The following ONECUT2 variants were observed in gnomAD, a reference collection of about 807,000 sequenced individuals.
The protein encoded by ONECUT2 is one cut homeobox 2, also known as one cut domain family member 2.
A neutral mutation model predicts 27.9 loss-of-function variants in ONECUT2; 10 were observed. The observed-to-expected ratio is 0.36, with a 90% CI of 0.22 to 0.61. The LOEUF is 0.61. ONECUT2 is among the 20% of genes least tolerant of loss of function. The pLI is 0.73. For synonymous variants in ONECUT2, 334 were observed against 315.1 expected (o/e 1.06, Z -0.64); for missense variants, 686 against 721.0 (o/e 0.95, Z 0.56).
In ONECUT2 at chr18:57,488,237, A is replaced by G. The variant is rs1598950431; in HGVS notation, c.*11514A>G. On this transcript the variant is annotated 3_prime_UTR_variant, in exon 2 of 2. Coordinates refer to ENST00000491143, the MANE Select transcript of ONECUT2 (RefSeq NM_004852.3). ...ATGGGAACAGATACAAGAATTTTTC[A>G]AATTGGCTTTTGTAAGACAATTGAT... is the stretch of plus-strand genomic sequence containing the variant. 2 of 152,648 alleles carry G rather than the reference A, an allele frequency of 1.3e-5. No homozygotes were observed. The highest frequency in any genetic ancestry group is 4.1e-4 in the South Asian group (2 of 4,832). The allele number at this position is 152,648 out of a possible 1,614,324, so 9.5% of individuals were successfully genotyped here. A position where few individuals can be genotyped will look rare whatever the true frequency, so the allele number is the denominator to read the frequency against.
At chr18:57,437,151 T>C (rs1210842330) in intron 1 of ONECUT2, among the ~76,000 whole-genome samples, 1 of 152,138 alleles carries the variant, frequency 6.6e-6, no homozygotes, top group Non-Finnish European at 1.5e-5. Flanking sequence ...CCTTTTCTTT[T>C]TCTTTCTTAC....
intron 1 of ONECUT2, among the ~76,000 whole-genome samples, chr18:57,457,071 C>G (rs756482759): frequency 2.0e-5 from 3 of 152,220 alleles, no homozygotes; most frequent in Non-Finnish European, 4.4e-5. Flanking sequence ...ATTTCTGGGT[C>G]ATGTGATAAT....
At position 57,476,461 on chromosome 18, in the gene ONECUT2, C is replaced by T; in HGVS notation, c.1253C>T (p.Pro418Leu). Reference protein sequence around the residue: ...LAACKRKEQEPNKDRNNSQKK... With the variant: ...LAACKRKEQELNKDRNNSQKK... Reference sequence around the variant, plus strand: ...GCGTGCAAACGCAAAGAGCAAGAACCAAACAAAGACAGGAACAATTCCCAG... The same window carrying T: ...GCGTGCAAACGCAAAGAGCAAGAACTAAACAAAGACAGGAACAATTCCCAG... Residue 418 changes from proline to leucine, a missense_variant, in exon 2 of 2, where the codon CCA becomes CTA. Coordinates refer to ENST00000491143, the MANE Select transcript of ONECUT2 (RefSeq NM_004852.3). The T allele has an allele frequency of 2.5e-6, 4 of 1,614,202 alleles. No homozygotes were observed. The South Asian group carries it at 4.4e-5, about 18-fold the overall frequency.
At position 57,438,512 on chromosome 18, in the gene ONECUT2, C is replaced by T. The variant is rs191568059; in HGVS notation, c.1228+1568C>T. ...CTGAGCCCAGCTTGTGGGGTGCACTCGACCAACGCCCGACAGGGCTGGGGA... is the reference window on the plus strand; with the variant it reads ...CTGAGCCCAGCTTGTGGGGTGCACTTGACCAACGCCCGACAGGGCTGGGGA... On this transcript the variant is annotated intron_variant, in intron 1 of 1. Transcript: ENST00000491143. Among the ~76,000 whole-genome samples, 869 of 152,318 alleles carry T rather than the reference C, an allele frequency of 5.7e-3. 16 individuals carry two copies. The highest frequency in any genetic ancestry group is 0.019 in the African/African-American group (789 of 41,580).
At chr18:57,465,228 T>C (rs1376054051) in intron 1 of ONECUT2, among the ~76,000 whole-genome samples, 1 of 152,174 alleles carries the variant, frequency 6.6e-6, no homozygotes, top group Non-Finnish European at 1.5e-5. Flanking sequence ...AGTGGCATGA[T>C]TGTGGCTCAC....
chr18:57,467,475 C>T (rs1169796329), intron 1 of ONECUT2, among the ~76,000 whole-genome samples: 1 of 152,192 alleles, frequency 6.6e-6, no homozygotes, highest in Non-Finnish European at 1.5e-5. Flanking sequence ...AAGTGATTCT[C>T]CTGCCTCGGC....
At chr18:57,456,263 G>A (rs2050258810) in intron 1 of ONECUT2, among the ~76,000 whole-genome samples, 1 of 151,052 alleles carries the variant, frequency 6.6e-6, no homozygotes, top group African/African-American at 2.4e-5. Context: ...TGAAAGCAGG[G>A]TCTGAAAGAG....
In ONECUT2 at chr18:57,484,115, G is replaced by A. The variant is rs989009329; in HGVS notation, c.*7392G>A. ...TTTAAAAAAATCGTAAACAAAAAGA[G>A]AGAAACCCTTACACTAGCTGCTTCC... On this transcript the variant is annotated 3_prime_UTR_variant, in exon 2 of 2. Transcript: ENST00000491143. 1 of 151,870 alleles carries A rather than the reference G, an allele frequency of 6.6e-6. No homozygotes were observed. The highest frequency in any genetic ancestry group is 6.6e-5 in the Admixed American group (1 of 15,180). 9.4% of individuals were successfully genotyped at this position (151,870 alleles called of 1,614,324 possible). A position where few individuals can be genotyped will look rare whatever the true frequency, so the allele number is the denominator to read the frequency against.
At chr18:57,468,635 G>T (rs573223755) in intron 1 of ONECUT2, among the ~76,000 whole-genome samples, 24 of 152,296 alleles carry the variant, frequency 1.6e-4, no homozygotes, top group Non-Finnish European at 3.2e-4. Flanking sequence ...GGCCCTGAAT[G>T]GCCAGTGGAG....
intron 1 of ONECUT2, among the ~76,000 whole-genome samples, chr18:57,447,266 C>T (rs3786480): frequency 0.054 from 8,175 of 152,256 alleles, 533 homozygotes; most frequent in East Asian, 0.35. Flanking sequence ...TGCCTCCACG[C>T]CCCGGCGCAG....
chr18:57,436,454 G>A lies in ONECUT2; in HGVS notation c.738G>A (p.Leu246=). Reference sequence around the variant, plus strand: ...GCCTCCACAACGCGCAGCAGAGTCTGCCCAACTACGGTCCGCCGGGCCACG... The same window carrying A: ...GCCTCCACAACGCGCAGCAGAGTCTACCCAACTACGGTCCGCCGGGCCACG... ...LGGLHNAQQS[L]PNYGPPGHDK... is the part of the protein sequence containing the mutation. Residue 246 remains leucine (L), a synonymous_variant, in exon 1 of 2, where the codon CTG becomes CTA. Transcript: ENST00000491143. This position sits in a 1 kb window ranked among gnomAD's most constrained non-coding sequence, Gnocchi z 5.9. 6.2e-7 allele frequency: 1 copy of A among 1,612,966 alleles called. No homozygotes were observed. Among genetic ancestry groups the A allele is most frequent in the Non-Finnish European group, 8.5e-7 (1 of 1,179,828 alleles).
chr18:57,452,707 G>A (rs570066055), intron 1 of ONECUT2, among the ~76,000 whole-genome samples: 1 of 152,338 alleles, frequency 6.6e-6, no homozygotes, highest in East Asian at 1.9e-4. Context: ...TTACAGGCGT[G>A]CGCCACCACG....
At chr18:57,468,020 G>A (rs988265574) in intron 1 of ONECUT2, among the ~76,000 whole-genome samples, 10 of 152,206 alleles carry the variant, frequency 6.6e-5, no homozygotes, top group South Asian at 2.1e-4. Flanking sequence ...GGTGGTTCAC[G>A]CTGGAGTACC....
rs2050156695 is a variant in ONECUT2 at position 57,438,510 on chromosome 18, C to T, written c.1228+1566C>T. 2.6e-5 allele frequency among the ~76,000 whole-genome samples: 4 copies of T among 152,232 alleles called. No individual in the cohort carries two copies. The South Asian group carries it at 8.3e-4, about 31-fold the overall frequency. On this transcript the variant is annotated intron_variant, in intron 1 of 1. Transcript: ENST00000491143. ...CGCTGAGCCCAGCTTGTGGGGTGCA[C>T]TCGACCAACGCCCGACAGGGCTGGG...
At position 57,480,695 on chromosome 18, in the gene ONECUT2, AAT is replaced by A. The variant is rs2050411168; in HGVS notation, c.*3979_*3980del. On this transcript the variant is annotated 3_prime_UTR_variant, in exon 2 of 2. Coordinates refer to ENST00000491143, the MANE Select transcript of ONECUT2 (RefSeq NM_004852.3). ...AGAAAATTATTTACATACATATATAAATATATATGTGTATCTATACAGTTATG... is the reference window on the plus strand; with the variant it reads ...AGAAAATTATTTACATACATATATAAATATATGTGTATCTATACAGTTATG... 6.6e-6 allele frequency: 1 copy of A among 152,134 alleles called. No individual in the cohort carries two copies. The highest frequency in any genetic ancestry group is 2.1e-4 in the South Asian group (1 of 4,826). 9.4% of individuals were successfully genotyped at this position (152,134 alleles called of 1,614,324 possible).
chr18:57,459,654 G>A (rs1598937592), intron 1 of ONECUT2, among the ~76,000 whole-genome samples: 1 of 152,178 alleles, frequency 6.6e-6, no homozygotes, highest in Non-Finnish European at 1.5e-5. Flanking sequence ...CTGCCTCTGG[G>A]TTCAAGCAAT....
intron 1 of ONECUT2, among the ~76,000 whole-genome samples, chr18:57,447,159 C>T (rs2050204300): frequency 6.6e-6 from 1 of 152,264 alleles, no homozygotes; most frequent in Admixed American, 6.5e-5. Context: ...GACTGTGGAG[C>T]TGGCTGTAGC....
chr18:57,455,070 C>A (rs75834652), intron 1 of ONECUT2, among the ~76,000 whole-genome samples: 2,112 of 152,250 alleles, frequency 0.014, 62 homozygotes, highest in African/African-American at 0.047. Context: ...ATAGACACCC[C>A]GGTGGTCATG....
intron 1 of ONECUT2, among the ~76,000 whole-genome samples, chr18:57,447,479 G>A (rs529922905): frequency 1.3e-5 from 2 of 152,250 alleles, no homozygotes; most frequent in African/African-American, 4.8e-5. Context: ...ATAATAAAGG[G>A]AAGAGGAGGC....
Sources: allele counts gnomAD v4.1 joint callset (sites outside exome capture counted in the v4.1 genomes callset), GRCh38; gene constraint gnomAD v4.1.1; non-coding constraint Gnocchi (gnomAD v3.1); transcripts MANE v1.5; gene names NCBI Gene and HGNC (gene_info 2026-07-23, HGNC 2026-07-21).